The following GABRB2 variants were observed in gnomAD, a reference collection of about 807,000 sequenced individuals.
GABRB2 encodes the protein gamma-aminobutyric acid type A receptor subunit beta2, also known as gamma-aminobutyric acid receptor subunit beta-2.
A neutral mutation model predicts 54.7 loss-of-function variants in GABRB2; 16 were observed. The ratio of observed to expected loss-of-function variants is 0.29; its 90% CI spans 0.20 to 0.44. GABRB2 has a LOEUF of 0.44. Among genes scored for constraint, GABRB2 ranks in the 20% least tolerant of loss-of-function variants. The pLI is 1.00. For synonymous variants in GABRB2, 244 were observed against 233.8 expected, an observed-to-expected ratio of 1.04 and a Z score of -0.40; for missense variants, 355 against 644.0, an observed-to-expected ratio of 0.55 and a Z score of 4.86.
intron 3 of GABRB2, among the ~76,000 whole-genome samples, chr5:161,476,457 A>G (rs1758593729): frequency 6.6e-6 from 1 of 151,850 alleles, no homozygotes; most frequent in Admixed American, 6.6e-5. Context: ...TAAAATTTAT[A>G]GAAAACCTCA....
intron 5 of GABRB2, among the ~76,000 whole-genome samples, chr5:161,383,026 T>C (rs1263091301): frequency 1.3e-5 from 2 of 152,234 alleles, no homozygotes; most frequent in Non-Finnish European, 2.9e-5. Context: ...TCTACCTTTG[T>C]CTACTCAATG....
intron 3 of GABRB2, among the ~76,000 whole-genome samples, chr5:161,541,808 A>G (rs1760826895): frequency 2.6e-5 from 4 of 152,172 alleles, no homozygotes; most frequent in Admixed American, 2.6e-4. Flanking sequence ...CCATTTTCTT[A>G]TCTTTCATGT....
chr5:161,448,229 C>T (rs1757689513), intron 4 of GABRB2, among the ~76,000 whole-genome samples: 1 of 152,046 alleles, frequency 6.6e-6, no homozygotes, highest in Non-Finnish European at 1.5e-5. Context: ...TCAAGACCAG[C>T]CTGGGGAACA....
At chr5:161,451,844 G>A (rs1757796533) in intron 4 of GABRB2, among the ~76,000 whole-genome samples, 1 of 152,038 alleles carries the variant, frequency 6.6e-6, no homozygotes. Context: ...ATACTTTAAA[G>A]GCATATACAG....
In GABRB2 at chr5:161,317,094, A is replaced by T. The variant is rs529347312; in HGVS notation, c.1191+9274T>A. On this transcript the variant is annotated intron_variant, in intron 9 of 9. Coordinates refer to ENST00000393959, the MANE Select transcript of GABRB2 (RefSeq NM_001371727.1). ...GTGTGCGTGAGAGAGAAAAAAAATG[A>T]CAACGTAATGAAAAGATCATACTGG... Among the ~76,000 whole-genome samples, 8 of 152,162 alleles carry T rather than the reference A, an allele frequency of 5.3e-5. No individual in the cohort carries two copies. The East Asian group carries it at 1.5e-3, about 29-fold the overall frequency.
At chr5:161,365,528 G>A (rs1487859944) in intron 5 of GABRB2, among the ~76,000 whole-genome samples, 1 of 152,048 alleles carries the variant, frequency 6.6e-6, no homozygotes. Flanking sequence ...ATTAGATTAG[G>A]GAAATTATCA....
At chr5:161,392,217 G>A (rs957445530) in intron 5 of GABRB2, among the ~76,000 whole-genome samples, 6 of 152,164 alleles carry the variant, frequency 3.9e-5, no homozygotes, top group African/African-American at 1.4e-4. Context: ...AGGGAAGACA[G>A]AGCTGTGCTC....
At chr5:161,436,830 GA>G (rs1757325535) in intron 4 of GABRB2, among the ~76,000 whole-genome samples, 1 of 152,136 alleles carries the variant, frequency 6.6e-6, no homozygotes, top group South Asian at 2.1e-4. Flanking sequence ...GGTTGCTGGG[GA>G]AGGGAGAACA....
intron 4 of GABRB2, among the ~76,000 whole-genome samples, chr5:161,442,591 C>T (rs1757499352): frequency 6.6e-6 from 1 of 152,150 alleles, no homozygotes; most frequent in African/African-American, 2.4e-5. Context: ...AGCAATATGC[C>T]TGCTGTAATG....
At chr5:161,336,494 T>G in intron 6 of GABRB2, 138 bp downstream of exon 6, 1 of 1,008,556 alleles carries the variant, frequency 9.9e-7, no homozygotes, top group Non-Finnish European at 1.4e-6. Flanking sequence ...ATAGACTTCA[T>G]GGGAAACTGA....
intron 4 of GABRB2, among the ~76,000 whole-genome samples, chr5:161,425,840 CTT>C (rs1463556350): frequency 6.6e-6 from 1 of 152,002 alleles, no homozygotes; most frequent in African/African-American, 2.4e-5. Context: ...AGCAAATTGT[CTT>C]TTGTTTTTTC....
chr5:161,303,514 T>A (rs577205690), intron 9 of GABRB2, among the ~76,000 whole-genome samples: 61 of 152,294 alleles, frequency 4.0e-4, no homozygotes, highest in African/African-American at 1.4e-3. Context: ...GTAAATCAAG[T>A]GAACATGTAT....
intron 3 of GABRB2, among the ~76,000 whole-genome samples, chr5:161,535,291 T>A (rs1449007842): frequency 6.6e-6 from 1 of 152,182 alleles, no homozygotes; most frequent in Non-Finnish European, 1.5e-5. Flanking sequence ...TATTATATAA[T>A]GCACTGTGTA....
intron 4 of GABRB2, among the ~76,000 whole-genome samples, chr5:161,424,513 A>T (rs1236479417): frequency 6.6e-6 from 1 of 152,180 alleles, no homozygotes; most frequent in Non-Finnish European, 1.5e-5. Context: ...CCAGGATAAT[A>T]GCACATCTGT....
intron 4 of GABRB2, 162 bp downstream of exon 4, chr5:161,459,462 G>A: frequency 1.6e-6 from 1 of 642,104 alleles, no homozygotes. Context: ...TCCTTTGTAA[G>A]CATGCTACCT....
At chr5:161,462,470 G>A (rs888578325) in intron 3 of GABRB2, among the ~76,000 whole-genome samples, 2 of 152,132 alleles carry the variant, frequency 1.3e-5, no homozygotes, top group African/African-American at 4.8e-5. Context: ...TCCAATTCTT[G>A]AAATGGAAAA....
intron 4 of GABRB2, among the ~76,000 whole-genome samples, chr5:161,437,599 GT>G (rs1011011106): frequency 2.0e-5 from 3 of 152,068 alleles, no homozygotes; most frequent in African/African-American, 7.2e-5. Context: ...GGCTCTTGGG[GT>G]CCCCTATTCC....
chr5:161,499,685 T>C (rs767646110), intron 3 of GABRB2, among the ~76,000 whole-genome samples: 20 of 152,306 alleles, frequency 1.3e-4, no homozygotes, highest in Non-Finnish European at 2.8e-4. Flanking sequence ...GGAAACATTT[T>C]CAAGTAATTT....
chr5:161,367,698 C>T (rs78001468), intron 5 of GABRB2, among the ~76,000 whole-genome samples: 1,625 of 151,986 alleles, frequency 0.011, 35 homozygotes, highest in South Asian at 0.05. Flanking sequence ...TAATTTTTTT[C>T]GTGCCTCTAA....
Sources: allele counts gnomAD v4.1 joint callset (sites outside exome capture counted in the v4.1 genomes callset), GRCh38; gene constraint gnomAD v4.1.1; transcripts MANE v1.5; gene names NCBI Gene and HGNC (gene_info 2026-07-23, HGNC 2026-07-21).